GRIP2: variants seen among roughly 807,000 people sequenced by gnomAD.
The protein encoded by GRIP2 is glutamate receptor-interacting protein 2.
Under a neutral mutation model 108.3 loss-of-function variants are expected in GRIP2, and 58 were observed. The observed-to-expected ratio is 0.54, with a 90% CI of 0.43 to 0.67. The LOEUF is 0.67. Among genes scored for constraint, GRIP2 ranks in the 30% least tolerant of loss-of-function variants. The pLI is 0.00. For missense variants in GRIP2, 1,278 were observed against 1,430.6 expected, an observed-to-expected ratio of 0.89 and a Z score of 1.72; for synonymous variants, 586 against 598.2, an observed-to-expected ratio of 0.98 and a Z score of 0.30.
chr3:14,552,639 T>G (rs1264524096), intron 1 of GRIP2, among the ~76,000 whole-genome samples: 5 of 150,754 alleles, frequency 3.3e-5, no homozygotes, highest in Admixed American at 6.6e-5. Flanking sequence ...TCTCTCTTTT[T>G]TTTTTTTTTT....
chr3:14,512,754 A>C lies in GRIP2; in HGVS notation c.1720+23T>G, dbSNP rs775672472. 1.2e-6 allele frequency: 2 copies of C among 1,608,822 alleles called. No individual in the cohort carries two copies. Among genetic ancestry groups the C allele is most frequent in the Non-Finnish European group, 1.7e-6 (2 of 1,176,108 alleles). On this transcript the variant is annotated intron_variant, in intron 14 of 23. Transcript: ENST00000621039. This position sits in a 1 kb window ranked among gnomAD's most constrained non-coding sequence, Gnocchi z 5.1. ...GCAGTTGAGCTCGCTCCCAGGGGCA[A>C]ACAGCAGCGGGAGGAGACTCACAGC...
chr3:14,502,006 G>A (rs1011884132), intron 21 of GRIP2, among the ~76,000 whole-genome samples: 2 of 151,948 alleles, frequency 1.3e-5, no homozygotes, highest in Non-Finnish European at 2.9e-5. Context: ...GGGATAAATA[G>A]GAAGTATAAA....
chr3:14,530,301 C>A (rs1694675618), intron 1 of GRIP2, among the ~76,000 whole-genome samples: 1 of 152,230 alleles, frequency 6.6e-6, no homozygotes, highest in East Asian at 1.9e-4. Flanking sequence ...AAAACCCAAG[C>A]CTTCGGCTAC....
the GRIP2 span, among the ~76,000 whole-genome samples, chr3:14,589,779 C>CTTTTTT: frequency 8.4e-6 from 1 of 119,054 alleles, no homozygotes; most frequent in Non-Finnish European, 1.7e-5. Context: ...ACAGACTACA[C>CTTTTTT]TTTTTTTTTT....
upstream of GRIP2, among the ~76,000 whole-genome samples, chr3:14,560,635 C>T (rs941308615): frequency 6.6e-6 from 1 of 152,186 alleles, no homozygotes; most frequent in African/African-American, 2.4e-5. Context: ...AGGCTGCTGG[C>T]GGCCACTGTG....
chr3:14,566,222 C>A, the GRIP2 span, among the ~76,000 whole-genome samples: 5 of 152,196 alleles, frequency 3.3e-5, no homozygotes, highest in African/African-American at 1.2e-4. Context: ...AGGTGACAGA[C>A]CATGAGAGCC....
chr3:14,524,061 G>A (rs2139504), intron 4 of GRIP2: 205,940 of 482,970 alleles, frequency 0.43, 46,752 homozygotes, highest in East Asian at 0.59. Context: ...CTACACCACC[G>A]TTACTTAGTG....
chr3:14,564,412 C>A, the GRIP2 span, among the ~76,000 whole-genome samples: 1 of 152,244 alleles, frequency 6.6e-6, no homozygotes. Context: ...ACCTCCTCCA[C>A]TCTGACCCCA....
At chr3:14,584,372 C>T in the GRIP2 span, among the ~76,000 whole-genome samples, 1 of 152,182 alleles carries the variant, frequency 6.6e-6, no homozygotes. Flanking sequence ...GAGTGTCCTT[C>T]AAGCCCACCG....
the GRIP2 span, chr3:14,573,063 G>A: frequency 1.4e-6 from 2 of 1,388,920 alleles, no homozygotes; most frequent in South Asian, 1.2e-5. Context: ...GCGCTAGAAG[G>A]CGAAGGAGAG....
intron 3 of GRIP2, 37 bp downstream of exon 3, chr3:14,525,400 A>AC: frequency 5.0e-6 from 8 of 1,604,020 alleles, no homozygotes; most frequent in Non-Finnish European, 6.8e-6. Context: ...TTGCCTCTGC[A>AC]CCCCCCTCCT....
At chr3:14,503,724 T>C in intron 20 of GRIP2, 53 bp from the exon 21 acceptor site, 1 of 44,106 alleles carries the variant, frequency 2.3e-5, no homozygotes. Flanking sequence ...GTGGGCGGGC[T>C]GGGGCCTGAG....
chr3:14,524,272 G>A, intron 4 of GRIP2, 121 bp downstream of exon 4: 1 of 1,181,400 alleles, frequency 8.5e-7, no homozygotes, highest in Non-Finnish European at 1.2e-6. Flanking sequence ...CTTGTGGCCA[G>A]TCTCCAGGTT....
At chr3:14,555,490 G>C (rs1470516377) in intron 1 of GRIP2, among the ~76,000 whole-genome samples, 1 of 152,158 alleles carries the variant, frequency 6.6e-6, no homozygotes, top group Non-Finnish European at 1.5e-5. Flanking sequence ...GAGACAGACA[G>C]AGTGGGAGAG....
chr3:14,568,383 C>T, the GRIP2 span, among the ~76,000 whole-genome samples: 2 of 152,160 alleles, frequency 1.3e-5, no homozygotes, highest in African/African-American at 4.8e-5. Context: ...TCATTATAGA[C>T]ACACACAGCC....
chr3:14,507,662 A>G lies in GRIP2; in HGVS notation c.2117T>C (p.Ile706Thr). Reference sequence around the variant, plus strand: ...CCGGCCCTTGAGGCTAACGTTGTTGATGGCCAGAATGCGGTCCCCCACGTG... The same window carrying G: ...CCGGCCCTTGAGGCTAACGTTGTTGGTGGCCAGAATGCGGTCCCCCACGTG... ...AIHVGDRILA[I>T]NNVSLKGRPL... Residue 706 changes from isoleucine (I) to threonine (T), a missense_variant, in exon 18 of 24, where the codon ATC (isoleucine) becomes ACC (threonine). Coordinates refer to ENST00000621039, the MANE Select transcript of GRIP2 (RefSeq NM_001080423.4). The surrounding 1 kb of genome is among the most constrained non-coding windows in gnomAD (Gnocchi z 4.6). The G allele has an allele frequency of 6.2e-7, 1 of 1,613,968 alleles. No individual in the cohort carries two copies. Among genetic ancestry groups the G allele is most frequent in the Non-Finnish European group, 8.5e-7 (1 of 1,179,876 alleles).
intron 17 of GRIP2, among the ~76,000 whole-genome samples, chr3:14,508,253 G>A (rs764154181): frequency 5.2e-4 from 79 of 152,340 alleles, no homozygotes; most frequent in Non-Finnish European, 1.0e-3. Flanking sequence ...GATGCCAGGC[G>A]GCAGCACTGC....
rs1056411669 is a variant in GRIP2 at position 14,491,702 on chromosome 3, G to A, written c.*1963C>T. The A allele has an allele frequency of 3.3e-5, 5 of 152,434 alleles. No homozygotes were observed. The highest frequency in any genetic ancestry group is 9.6e-5 in the African/African-American group (4 of 41,474). The allele number at this position is 152,434 out of a possible 1,614,324, so 9.4% of individuals were successfully genotyped here. Reference sequence around the variant, plus strand: ...AGTCAATGCAGTTTTCCCAAGCCGAGAGGCCCTGAGAGTGTGTCCTGTCCA... The same window carrying A: ...AGTCAATGCAGTTTTCCCAAGCCGAAAGGCCCTGAGAGTGTGTCCTGTCCA... On this transcript the variant is annotated 3_prime_UTR_variant, in exon 24 of 24. Transcript: ENST00000621039.
At position 14,492,879 on chromosome 3, in the gene GRIP2, A is replaced by G. The variant is rs1701368010; in HGVS notation, c.*786T>C. Reference sequence around the variant, plus strand: ...GAGCCTGCCCAATGGGCCCAGAACCACAGTCTCAAGTCCCAGAAGCTTCAG... The same window carrying G: ...GAGCCTGCCCAATGGGCCCAGAACCGCAGTCTCAAGTCCCAGAAGCTTCAG... On this transcript the variant is annotated 3_prime_UTR_variant, in exon 24 of 24. Transcript: ENST00000621039. 1 of 152,232 alleles carries G rather than the reference A, an allele frequency of 6.6e-6. No homozygotes were observed. Among genetic ancestry groups the G allele is most frequent in the South Asian group, 2.1e-4 (1 of 4,832 alleles). The allele number at this position is 152,232 out of a possible 1,614,324, so 9.4% of individuals were successfully genotyped here. A position where few individuals can be genotyped will look rare whatever the true frequency, so the allele number is the denominator to read the frequency against.
Sources: gnomAD v4.1 joint callset for allele counts (sites outside exome capture counted in the v4.1 genomes callset) on GRCh38, gnomAD v4.1.1 for gene constraint, Gnocchi (gnomAD v3.1) non-coding constraint, MANE v1.5 for transcripts, NCBI Gene and HGNC (gene_info 2026-07-23, HGNC 2026-07-21) for gene names.